The following SIL1 variants were observed in gnomAD, a reference collection of about 807,000 sequenced individuals.
SIL1 encodes the protein SIL1 nucleotide exchange factor.
SIL1 carries 40 observed loss-of-function variants against 49.1 expected under a neutral mutation model. That is an observed-to-expected ratio of 0.81 (90% CI 0.63 to 1.06). The LOEUF (loss-of-function observed/expected upper bound fraction) is 1.06. SIL1 is among the 50% of genes least tolerant of loss of function. SIL1 has a pLI of 0.00. For synonymous variants in SIL1, 253 were observed against 250.8 expected (o/e 1.01, Z -0.08); for missense variants, 500 against 572.6 (o/e 0.87, Z 1.29).
intron 3 of SIL1, among the ~76,000 whole-genome samples, chr5:139,108,927 T>G (rs1481296563): frequency 6.6e-6 from 1 of 151,082 alleles, no homozygotes; most frequent in African/African-American, 2.4e-5. Flanking sequence ...AAGAGTATTG[T>G]GTTCAAACGG....
intron 3 of SIL1, among the ~76,000 whole-genome samples, chr5:139,074,046 T>C (rs1180755320): frequency 1.3e-5 from 2 of 152,206 alleles, no homozygotes; most frequent in South Asian, 2.1e-4. Flanking sequence ...TTCCACAACA[T>C]AGCTATACTT....
At chr5:138,966,894 G>A (rs926962732) in intron 7 of SIL1, among the ~76,000 whole-genome samples, 20 of 152,190 alleles carry the variant, frequency 1.3e-4, no homozygotes, top group African/African-American at 4.6e-4. Context: ...CTGGGGACAC[G>A]CCGCAAATTA....
intron 1 of SIL1, among the ~76,000 whole-genome samples, chr5:139,196,198 TA>T (rs916638774): frequency 2.0e-5 from 3 of 152,132 alleles, no homozygotes; most frequent in South Asian, 2.1e-4. Context: ...TGAAAAATAA[TA>T]ATAATAATAA....
At chr5:139,197,969 A>T (rs1752310524) in intron 1 of SIL1, among the ~76,000 whole-genome samples, 1 of 152,244 alleles carries the variant, frequency 6.6e-6, no homozygotes. Context: ...GGGAGAATGA[A>T]ACAGGCAAGG....
At chr5:139,167,345 T>C (rs1751645923) in intron 1 of SIL1, among the ~76,000 whole-genome samples, 1 of 152,168 alleles carries the variant, frequency 6.6e-6, no homozygotes, top group African/African-American at 2.4e-5. Flanking sequence ...TCACAGGAAA[T>C]GACAGTTCCA....
At chr5:139,181,802 A>G (rs763596463) in intron 1 of SIL1, among the ~76,000 whole-genome samples, 1 of 152,228 alleles carries the variant, frequency 6.6e-6, no homozygotes, top group Non-Finnish European at 1.5e-5. Flanking sequence ...CAATCAAGGT[A>G]GAAAAAAGAT....
chr5:139,155,058 G>T (rs957983570), intron 1 of SIL1, among the ~76,000 whole-genome samples: 1 of 152,180 alleles, frequency 6.6e-6, no homozygotes, highest in African/African-American at 2.4e-5. Context: ...GTACCTTTTG[G>T]CTGATAGCTA....
chr5:139,169,336 T>C (rs193118703), intron 1 of SIL1, among the ~76,000 whole-genome samples: 45 of 152,212 alleles, frequency 3.0e-4, no homozygotes, highest in Non-Finnish European at 5.1e-4. Context: ...CCACAAACAC[T>C]GGGAAAGGCA....
At chr5:139,023,773 C>T (rs937372291) in intron 6 of SIL1, among the ~76,000 whole-genome samples, 2 of 152,216 alleles carry the variant, frequency 1.3e-5, no homozygotes, top group Non-Finnish European at 2.9e-5. Flanking sequence ...AAGCCCCCAT[C>T]ACAACTGGGA....
chr5:139,081,564 T>C (rs1416290388), intron 3 of SIL1, among the ~76,000 whole-genome samples: 2 of 152,240 alleles, frequency 1.3e-5, no homozygotes, highest in South Asian at 4.1e-4. Context: ...GGAGCCTCCG[T>C]AGACTATGTG....
chr5:139,022,621 G>T (rs1186208876), intron 6 of SIL1: 1 of 152,146 alleles, frequency 6.6e-6, no homozygotes, highest in East Asian at 1.9e-4. Context: ...GGCAATCTGG[G>T]GTATCTGTGC....
intron 1 of SIL1, among the ~76,000 whole-genome samples, chr5:139,146,488 G>T (rs1405772253): frequency 3.9e-5 from 6 of 152,142 alleles, no homozygotes; most frequent in African/African-American, 1.4e-4. Flanking sequence ...AGCCCTGGAG[G>T]TGGAGGCTGC....
At chr5:139,174,591 C>A (rs990289891) in intron 1 of SIL1, among the ~76,000 whole-genome samples, 3 of 151,996 alleles carry the variant, frequency 2.0e-5, no homozygotes, top group African/African-American at 7.3e-5. Flanking sequence ...ATCCTTTGAG[C>A]CCAGGAGTTT....
At chr5:139,138,760 C>G (rs532034461) in intron 1 of SIL1, among the ~76,000 whole-genome samples, 7 of 152,282 alleles carry the variant, frequency 4.6e-5, no homozygotes, top group African/African-American at 1.4e-4. Context: ...GCTCTCACTA[C>G]TATTATTAGA....
At chr5:138,998,945 C>T (rs2150410534) in intron 7 of SIL1, among the ~76,000 whole-genome samples, 1 of 151,216 alleles carries the variant, frequency 6.6e-6, no homozygotes, top group South Asian at 2.1e-4. Context: ...CAACCTCTGC[C>T]TCCCAGGTTC....
intron 1 of SIL1, among the ~76,000 whole-genome samples, chr5:139,135,208 A>G (rs1750947793): frequency 6.6e-6 from 1 of 152,208 alleles, no homozygotes; most frequent in East Asian, 1.9e-4. Context: ...CCCAGCTGGC[A>G]AGGTGGCTGG....
chr5:139,116,058 A>C (rs2151790737), intron 3 of SIL1, among the ~76,000 whole-genome samples: 1 of 152,330 alleles, frequency 6.6e-6, no homozygotes, highest in Admixed American at 6.5e-5. Context: ...CCAGAGGCCC[A>C]ACAGAAACAG....
intron 1 of SIL1, among the ~76,000 whole-genome samples, chr5:139,146,391 T>C (rs1430781599): frequency 6.6e-6 from 1 of 152,000 alleles, no homozygotes; most frequent in Non-Finnish European, 1.5e-5. Context: ...ACCCTGTCTC[T>C]ACAAAAAATT....
chr5:139,023,142 C>G (rs1441745267), intron 6 of SIL1, among the ~76,000 whole-genome samples: 1 of 152,154 alleles, frequency 6.6e-6, no homozygotes, highest in Non-Finnish European at 1.5e-5. Context: ...GCACTTCAGC[C>G]TTTTTGGGAT....
Sources: gnomAD v4.1 joint callset for allele counts (sites outside exome capture counted in the v4.1 genomes callset) on GRCh38, gnomAD v4.1.1 for gene constraint, MANE v1.5 for transcripts, NCBI Gene and HGNC (gene_info 2026-07-23, HGNC 2026-07-21) for gene names.